Variants in ADAMTS7 observed in about 807,000 individuals in gnomAD.
ADAMTS7 encodes A disintegrin and metalloproteinase with thrombospondin motifs 7.
Under a neutral mutation model 172.6 loss-of-function variants are expected in ADAMTS7, and 89 were observed. The observed-to-expected ratio is 0.52, with a 90% CI of 0.43 to 0.61. The LOEUF is 0.61. ADAMTS7 is among the 20% of genes least tolerant of loss of function. The pLI is 0.00. For missense variants in ADAMTS7, 1,973 were observed against 2,355.6 expected (o/e 0.84, Z 3.36); for synonymous variants, 885 against 978.4 (o/e 0.90, Z 1.78).
chr15:78,793,248 A>T (rs2869884), intron 4 of ADAMTS7, among the ~76,000 whole-genome samples: 152,159 of 152,340 alleles, frequency 1, 75,989 homozygotes, highest in Non-Finnish European at 1. Flanking sequence ...CCCTGCTTAT[A>T]TCCTAAGTTT....
chr15:78,796,598 T>C lies in ADAMTS7; in HGVS notation c.811A>G (p.Met271Val), dbSNP rs761324255. 1.9e-6 allele frequency: 3 copies of C among 1,610,594 alleles called. No homozygotes were observed. Among genetic ancestry groups the C allele is most frequent in the South Asian group, 2.2e-5 (2 of 90,656 alleles). The change falls in exon 4 of 24, where the codon ATG becomes GTG. Residue 271 changes from methionine (M) to valine (V), a missense_variant. Physicochemically the swap from Met to Val is conservative, Grantham distance 21. Around this residue, in one of 8 missense-constraint regions of ADAMTS7, gnomAD observed 526 missense variants for 662.9 expected, o/e 0.79. Coordinates refer to ENST00000388820, the MANE Select transcript of ADAMTS7 (RefSeq NM_014272.5). ...PQVESYVLTI[M>V]NMVAGLFHDP... is the part of the protein sequence containing the mutation. ...GGCCCACACAGACTCACCATGTTCA[T>C]GATGGTCAGCACATAGCTCTCAACC...
chr15:78,786,700 T>C (rs996545235), intron 8 of ADAMTS7, among the ~76,000 whole-genome samples: 10 of 152,086 alleles, frequency 6.6e-5, no homozygotes, highest in Non-Finnish European at 1.0e-4. Context: ...TACCAAGGAG[T>C]GAGATGAAAC....
In ADAMTS7 at chr15:78,788,217, G is replaced by A. The variant is rs774637873; in HGVS notation, c.1322+14C>T. The A allele has an allele frequency of 1.2e-6, 2 of 1,613,212 alleles. No individual in the cohort carries two copies. The highest frequency in any genetic ancestry group is 3.3e-5 in the Admixed American group (2 of 60,020). On this transcript the variant is annotated intron_variant, in intron 8 of 23. Transcript: ENST00000388820. The stretch of plus-strand genomic sequence containing the variant: ...ATGGATCAAGGTATAGGGGCCCAGG[G>A]CTGGGGGACTTACTCAAGGAACCTG...
chr15:78,762,459 C>T lies in ADAMTS7; in HGVS notation c.4847G>A (p.Trp1616Ter), dbSNP rs200164431. 1.9e-6 allele frequency: 3 copies of T among 1,575,968 alleles called. No homozygotes were observed. The highest frequency in any genetic ancestry group is 1.7e-6 in the Non-Finnish European group (2 of 1,161,610). Residue 1616 changes from tryptophan to a stop codon, truncating the protein, a stop_gained, in exon 23 of 24, where the codon TGG (tryptophan) becomes TAG (stop). Coordinates refer to ENST00000388820, the MANE Select transcript of ADAMTS7 (RefSeq NM_014272.5). LOFTEE classifies it high-confidence loss of function. ...EDSDQCGHEAWPESSRPCGTE... is the reference protein window; with the variant it reads ...EDSDQCGHEA ...GCCACACGGCCGGGAGCTCTCAGGC[C>T]AGGCCTCGTGGCCACACTGGTCACT... is the stretch of plus-strand genomic sequence containing the variant.
At chr15:78,785,726 A>G (rs1336075990) in intron 8 of ADAMTS7, among the ~76,000 whole-genome samples, 3 of 152,232 alleles carry the variant, frequency 2.0e-5, no homozygotes, top group Non-Finnish European at 2.9e-5. Flanking sequence ...AAGTGATGCA[A>G]GGGTGCTAAA....
rs367822539 is a variant in ADAMTS7, at chr15:78,798,133, G to T, written c.457-20C>A. ...ACCTTTCTGGGGAAGAAGCACCAGG[G>T]TCACACAGGGAGGGCTGGCCCTCAG... On this transcript the variant is annotated intron_variant, in intron 2 of 23. Coordinates refer to ENST00000388820, the MANE Select transcript of ADAMTS7 (RefSeq NM_014272.5). 1.3e-6 allele frequency: 2 copies of T among 1,537,834 alleles called. No individual in the cohort carries two copies. Among genetic ancestry groups the T allele is most frequent in the Admixed American group, 2.3e-5 (1 of 43,482 alleles).
At chr15:78,788,172 T>A in intron 8 of ADAMTS7, 59 bp downstream of exon 8, 1 of 1,598,206 alleles carries the variant, frequency 6.3e-7, no homozygotes, top group South Asian at 1.1e-5. Context: ...TCTGCATCTC[T>A]CCCAGTAGAC....
rs3743057 is a variant in ADAMTS7, at chr15:78,796,665, T to C, written c.744A>G (p.Val248=). ...VSKEKWVETL[V]VADAKMVEYH... is the part of the protein sequence containing the mutation. ...ACTCCACCATTTTGGCATCAGCTACTACCAGGGTCTCCACCCACTTCTCTT... is the reference window on the plus strand; with the variant it reads ...ACTCCACCATTTTGGCATCAGCTACCACCAGGGTCTCCACCCACTTCTCTT... Residue 248 remains valine, a synonymous_variant, in exon 4 of 24, where the codon GTA becomes GTG. Transcript: ENST00000388820. The C allele has an allele frequency of 0.76, 1,219,578 of 1,613,726 alleles. 462,061 individuals carry two copies. The highest frequency in any genetic ancestry group is 0.87 in the Admixed American group (52,046 of 59,992).
At chr15:78,789,620 T>C (rs1249027393) in intron 7 of ADAMTS7, 69 bp downstream of exon 7, 17 of 1,581,092 alleles carry the variant, frequency 1.1e-5, no homozygotes, top group Non-Finnish European at 1.4e-5. Context: ...ACAGGCTGGA[T>C]ACCCGGTGCC....
In ADAMTS7 at chr15:78,767,595, G is replaced by A. The variant is rs1421693051; in HGVS notation, c.2646-3C>T. 2.6e-6 allele frequency: 4 copies of A among 1,536,504 alleles called. No homozygotes were observed. Among genetic ancestry groups the A allele is most frequent in the South Asian group, 2.4e-5 (2 of 82,546 alleles). On this transcript the variant is annotated splice_polypyrimidine_tract_variant and splice_region_variant and intron_variant, in intron 17 of 23. Coordinates refer to ENST00000388820, the MANE Select transcript of ADAMTS7 (RefSeq NM_014272.5). Reference sequence around the variant, plus strand: ...GCTGCCACTCACCTGCCCACCACCTGGCGAGGGCACACAGGTGGCATCAGT... The same window carrying A: ...GCTGCCACTCACCTGCCCACCACCTAGCGAGGGCACACAGGTGGCATCAGT...
chr15:78,796,745 G>A lies in ADAMTS7; in HGVS notation c.664C>T (p.Arg222Trp), dbSNP rs751772255. The change falls in exon 4 of 24, where the codon CGG becomes TGG. Residue 222 changes from arginine (R) to tryptophan (W), a missense_variant. Transcript: ENST00000388820. The stretch of plus-strand genomic sequence containing the variant: ...AGCCGTGGCCGCCGCCACTGCTGCC[G>A]CTGCTCCCAACGCTCCCGTCGAGAC... ...LESRRERWEQ[R>W]QQWRRPRLRR... 88 of 1,612,262 alleles carry A rather than the reference G, an allele frequency of 5.5e-5. No individual in the cohort carries two copies. Among genetic ancestry groups the A allele is most frequent in the Middle Eastern group, 1.6e-4 (1 of 6,072 alleles).
chr15:78,801,281 A>G (rs1489846451), intron 1 of ADAMTS7, among the ~76,000 whole-genome samples: 1 of 151,648 alleles, frequency 6.6e-6, no homozygotes, highest in Non-Finnish European at 1.5e-5. Flanking sequence ...AGGCAAGGTG[A>G]CCTCTCCAAT....
rs1448399024 is a variant in ADAMTS7 at position 78,764,047 on chromosome 15, T to A, written c.4472A>T (p.Asp1491Val). ...GSSVRDVQCV[D>V]TRDLRPLRPF... ...CCGCAGTGGCCGGAGGTCCCGTGTG[T>A]CCACACACTGCACGTCCCGCACTGA... Residue 1491 changes from aspartate (D) to valine (V), a missense_variant, in exon 21 of 24, where the codon GAC becomes GTC. Asp to Val is a radical substitution (Grantham distance 152). Around this residue, in one of 8 missense-constraint regions of ADAMTS7, gnomAD observed 218 missense variants for 216.9 expected, o/e 1.01. Coordinates refer to ENST00000388820, the MANE Select transcript of ADAMTS7 (RefSeq NM_014272.5). 2 of 1,538,670 alleles carry A rather than the reference T, an allele frequency of 1.3e-6. No individual in the cohort carries two copies. Among genetic ancestry groups the A allele is most frequent in the African/African-American group, 1.4e-5 (1 of 72,890 alleles).
At chr15:78,783,495 C>T (rs920215304) in intron 8 of ADAMTS7, among the ~76,000 whole-genome samples, 1 of 151,900 alleles carries the variant, frequency 6.6e-6, no homozygotes, top group Non-Finnish European at 1.5e-5. Flanking sequence ...CCAGGCTGGT[C>T]TCAAACTCCT....
rs1362948105 is a variant in ADAMTS7, at chr15:78,774,316, G to C, written c.1877-16C>G. 6.4e-7 allele frequency: 1 copy of C among 1,552,822 alleles called. No homozygotes were observed. The highest frequency in any genetic ancestry group is 8.6e-7 in the Non-Finnish European group (1 of 1,157,168). Reference sequence around the variant, plus strand: ...CAGGGGTTCACTGAGGGCCCAAGTAGAAGAGTCATCAGCAACAGCTGGGGC... The same window carrying C: ...CAGGGGTTCACTGAGGGCCCAAGTACAAGAGTCATCAGCAACAGCTGGGGC... On this transcript the variant is annotated splice_polypyrimidine_tract_variant and intron_variant, in intron 12 of 23. Transcript: ENST00000388820.
Position 78,800,317 on chromosome 15 carries a change from G to A in ADAMTS7, c.331C>T (p.Arg111Trp). 2.5e-6 allele frequency: 4 copies of A among 1,594,924 alleles called. No homozygotes were observed. Among genetic ancestry groups the A allele is most frequent in the Non-Finnish European group, 3.4e-6 (4 of 1,173,812 alleles). ...LLAPGFVSET[R>W]RRGGLGRAHI... is the part of the protein sequence containing the mutation. ...GCGCGGCCCAGGCCGCCGCGCCGCCGCGTCTCGCTCACAAAGCCGGGCGCC... is the reference window on the plus strand; with the variant it reads ...GCGCGGCCCAGGCCGCCGCGCCGCCACGTCTCGCTCACAAAGCCGGGCGCC... The change falls in exon 2 of 24, where the codon CGG becomes TGG. Residue 111 changes from arginine (R) to tryptophan (W), a missense_variant. By Grantham distance (101) the Arg-to-Trp change is moderately radical (BLOSUM62 -3). Transcript: ENST00000388820.
intron 1 of ADAMTS7, among the ~76,000 whole-genome samples, chr15:78,806,091 A>ACAC (rs1318537417): frequency 0.011 from 309 of 27,388 alleles, 9 homozygotes; most frequent in African/African-American, 0.038. Context: ...CCCCCCCAAA[A>ACAC]ACACACACAC....
chr15:78,797,739 G>C (rs1331717471), intron 3 of ADAMTS7, among the ~76,000 whole-genome samples: 1 of 152,226 alleles, frequency 6.6e-6, no homozygotes, highest in Non-Finnish European at 1.5e-5. Flanking sequence ...GTCAGTCTAG[G>C]GGATTGACTG....
Position 78,800,449 on chromosome 15 carries a change from G to A in ADAMTS7, c.199C>T (p.Leu67=), listed in dbSNP as rs1220361513. Residue 67 remains leucine, a synonymous_variant, in exon 2 of 24, where the codon CTG becomes TTG. Coordinates refer to ENST00000388820, the MANE Select transcript of ADAMTS7 (RefSeq NM_014272.5). The part of the protein sequence containing the change: ...FLSYELWPRA[L]RKRDVSVRRD... ...CGCACAGATACATCCCGCTTGCGCA[G>A]TGCGCGGGGCCACAGCTCGTAGGAC... The A allele has an allele frequency of 6.2e-7, 1 of 1,611,106 alleles. No individual in the cohort carries two copies. Among genetic ancestry groups the A allele is most frequent in the Non-Finnish European group, 8.5e-7 (1 of 1,179,194 alleles).
Sources: allele counts gnomAD v4.1 joint callset (sites outside exome capture counted in the v4.1 genomes callset), GRCh38; gene constraint gnomAD v4.1.1; regional missense constraint gnomAD v4.1.1; transcripts MANE v1.5; gene names NCBI Gene and HGNC (gene_info 2026-07-23, HGNC 2026-07-21).